Variants in WDR64 observed in about 807,000 individuals in gnomAD.
WDR64 encodes WD repeat-containing protein 64.
WDR64 carries 112 observed loss-of-function variants against 139.3 expected under a neutral mutation model. The ratio of observed to expected loss-of-function variants is 0.80; its 90% CI spans 0.69 to 0.94. The LOEUF is 0.94. WDR64 is among the 40% of genes least tolerant of loss of function. The pLI, the probability that WDR64 is intolerant of heterozygous loss-of-function variation, is 0.00. For missense variants in WDR64, 1,206 were observed against 1,293.1 expected (o/e 0.93, Z 1.03); for synonymous variants, 444 against 437.7 (o/e 1.01, Z -0.18).
At chr1:241,712,260 A>G (rs1031260708) in intron 9 of WDR64, among the ~76,000 whole-genome samples, 14 of 152,174 alleles carry the variant, frequency 9.2e-5, no homozygotes, top group African/African-American at 3.1e-4. Flanking sequence ...AAAAATTTCA[A>G]AATTTCATCA....
Position 241,772,904 on chromosome 1 carries a change from T to G in WDR64, c.2403T>G (p.Asp801Glu). 6.4e-7 allele frequency: 1 copy of G among 1,551,650 alleles called. No homozygotes were observed. The highest frequency in any genetic ancestry group is 8.7e-7 in the Non-Finnish European group (1 of 1,146,892). Residue 801 changes from aspartate to glutamate, a missense_variant, in exon 20 of 28, where the codon GAT (aspartate) becomes GAG (glutamate). Physicochemically the swap from Asp to Glu is conservative, Grantham distance 45. Transcript: ENST00000437684. ...CTATCCTTGTCACTGCTCATGAGGA[T>G]GGACACCTCCGCTTGTGGACTCTGG... ...QPPILVTAHE[D>E]GHLRLWTLEG... is the part of the protein sequence containing the mutation.
In WDR64 at chr1:241,652,594, G is replaced by C. The variant is rs1274590323; in HGVS notation, c.110G>C (p.Arg37Thr). 1 of 1,551,730 alleles carries C rather than the reference G, an allele frequency of 6.4e-7. No individual in the cohort carries two copies. The highest frequency in any genetic ancestry group is 8.7e-7 in the Non-Finnish European group (1 of 1,147,048). ...GTTGAACAAACAGCAGCCCAGAAAA[G>C]AGATGAAAGAGCAGGCTTATTTATC... ...KLVEQTAAQK[R>T]DERAGLFIHK... Residue 37 changes from arginine (R) to threonine (T), a missense_variant, in exon 1 of 28, where the codon AGA becomes ACA. Transcript: ENST00000437684.
At chr1:241,679,461 C>T in intron 5 of WDR64, 24 bp from the exon 6 acceptor site, 1 of 1,535,112 alleles carries the variant, frequency 6.5e-7, no homozygotes, top group Admixed American at 2.0e-5. Flanking sequence ...CATTATATCC[C>T]CCAATTCTCT....
chr1:241,706,389 G>T (rs1215835977), intron 8 of WDR64, among the ~76,000 whole-genome samples: 1 of 152,240 alleles, frequency 6.6e-6, no homozygotes, highest in Non-Finnish European at 1.5e-5. Context: ...CAGGGTAAAA[G>T]AAAATAATGC....
chr1:241,788,516 G>C (rs1206010009), intron 24 of WDR64, among the ~76,000 whole-genome samples: 1 of 152,172 alleles, frequency 6.6e-6, no homozygotes, highest in East Asian at 1.9e-4. Context: ...GCCTGGACTG[G>C]TTACATCTCA....
At chr1:241,720,573 A>G (rs760348303) in intron 9 of WDR64, among the ~76,000 whole-genome samples, 29 of 152,090 alleles carry the variant, frequency 1.9e-4, no homozygotes, top group Non-Finnish European at 3.5e-4. Flanking sequence ...AGTTTTTTTA[A>G]TATGTTTTTT....
intron 8 of WDR64, among the ~76,000 whole-genome samples, chr1:241,696,240 C>T (rs527673443): frequency 6.7e-6 from 1 of 149,832 alleles, no homozygotes; most frequent in Admixed American, 6.6e-5. Flanking sequence ...TTTCTCTGAC[C>T]TCCTCTTTTA....
chr1:241,705,369 G>A (rs1047504097), intron 8 of WDR64, among the ~76,000 whole-genome samples: 17 of 151,560 alleles, frequency 1.1e-4, no homozygotes, highest in South Asian at 6.3e-4. Flanking sequence ...GTGAAACCCC[G>A]TCTCTACTGA....
intron 15 of WDR64, 70 bp from the exon 16 acceptor site, chr1:241,766,148 G>T: frequency 6.7e-7 from 1 of 1,501,000 alleles, no homozygotes; most frequent in Non-Finnish European, 9.1e-7. Flanking sequence ...ATTACAAAGT[G>T]TACACATGGC....
At chr1:241,765,400 T>G (rs1658107997) in intron 15 of WDR64, among the ~76,000 whole-genome samples, 1 of 151,992 alleles carries the variant, frequency 6.6e-6, no homozygotes, top group Non-Finnish European at 1.5e-5. Context: ...AAAATGTATT[T>G]GAGATAAACC....
intron 1 of WDR64, among the ~76,000 whole-genome samples, chr1:241,653,886 CTTTTGGA>C (rs1259915034): frequency 6.6e-6 from 1 of 152,134 alleles, no homozygotes; most frequent in Non-Finnish European, 1.5e-5. Flanking sequence ...AGACTTGGAC[CTTTTGGA>C]TATGCTTTTT....
chr1:241,782,288 AAAG>A (rs1289619440), intron 22 of WDR64, among the ~76,000 whole-genome samples: 5 of 152,238 alleles, frequency 3.3e-5, no homozygotes, highest in Non-Finnish European at 7.3e-5. Context: ...CTCTGTCTCA[AAAG>A]AAGAAAAAAG....
At chr1:241,680,504 G>A (rs913154092) in intron 6 of WDR64, among the ~76,000 whole-genome samples, 1 of 152,072 alleles carries the variant, frequency 6.6e-6, no homozygotes, top group African/African-American at 2.4e-5. Context: ...TCCTCATGCT[G>A]TTCTGTTTTC....
intron 16 of WDR64, among the ~76,000 whole-genome samples, chr1:241,766,976 A>C (rs1316554607): frequency 6.6e-6 from 1 of 152,152 alleles, no homozygotes; most frequent in Non-Finnish European, 1.5e-5. Context: ...ACTTCAAACT[A>C]ATCTCTCTAG....
intron 6 of WDR64, among the ~76,000 whole-genome samples, chr1:241,680,896 C>T (rs1228965398): frequency 6.6e-6 from 1 of 152,174 alleles, no homozygotes; most frequent in Non-Finnish European, 1.5e-5. Flanking sequence ...AGTAGATGGA[C>T]TTGCACTCTA....
intron 14 of WDR64, among the ~76,000 whole-genome samples, chr1:241,755,633 C>A (rs919463497): frequency 2.0e-5 from 3 of 152,116 alleles, no homozygotes; most frequent in Non-Finnish European, 4.4e-5. Context: ...AAGTCTTTGC[C>A]CATGCCTATG....
chr1:241,723,756 T>G (rs547743872), intron 10 of WDR64, among the ~76,000 whole-genome samples: 3 of 151,036 alleles, frequency 2.0e-5, no homozygotes, highest in African/African-American at 4.9e-5. Context: ...TTTCTGTTAT[T>G]AAACAGTGTT....
intron 6 of WDR64, among the ~76,000 whole-genome samples, chr1:241,683,088 T>C (rs1489239695): frequency 2.0e-5 from 3 of 152,228 alleles, no homozygotes; most frequent in African/African-American, 7.2e-5. Flanking sequence ...TTCTGGTGAC[T>C]CCTTGGGACT....
rs932670389 is a variant in WDR64, at chr1:241,657,321, G to A, written c.146-3209G>A. Among the ~76,000 whole-genome samples, 6 of 152,186 alleles carry A rather than the reference G, an allele frequency of 3.9e-5. No individual in the cohort carries two copies. In the South Asian group the frequency reaches 1.2e-3, roughly 32 times the overall value. On this transcript the variant is annotated intron_variant, in intron 1 of 27. Transcript: ENST00000437684. ...CCATCTGGCCTCCTAGCAGCAGCAAGTGTGCTTTAAAATTTTTTAAGGGCA... is the reference window on the plus strand; with the variant it reads ...CCATCTGGCCTCCTAGCAGCAGCAAATGTGCTTTAAAATTTTTTAAGGGCA...
Sources: allele counts gnomAD v4.1 joint callset (sites outside exome capture counted in the v4.1 genomes callset), GRCh38; gene constraint gnomAD v4.1.1; transcripts MANE v1.5; gene names NCBI Gene and HGNC (gene_info 2026-07-23, HGNC 2026-07-21).